VSTM4: variants seen among roughly 807,000 people sequenced by gnomAD.
The protein encoded by VSTM4 is V-set and transmembrane domain-containing protein 4.
VSTM4 carries 20 observed loss-of-function variants against 36.4 expected under a neutral mutation model. That is an observed-to-expected ratio of 0.55 (90% CI 0.39 to 0.80). The LOEUF is 0.80. VSTM4 is among the 30% of genes least tolerant of loss of function. The pLI, the probability that VSTM4 is intolerant of heterozygous loss-of-function variation, is 0.00. For missense variants in VSTM4, 392 were observed against 404.5 expected (o/e 0.97, Z 0.26); for synonymous variants, 182 against 173.9 (o/e 1.05, Z -0.37).
chr10:49,068,017 T>C lies in VSTM4; in HGVS notation c.635-3281A>G, dbSNP rs143054533. On this transcript the variant is annotated intron_variant, in intron 4 of 7. Transcript: ENST00000332853. ...AAGGTAAATGCTATGTAAACCATTGTTATGTTTTTTTCATCAGTATGATTT... is the reference window on the plus strand; with the variant it reads ...AAGGTAAATGCTATGTAAACCATTGCTATGTTTTTTTCATCAGTATGATTT... 2.6e-4 allele frequency among the ~76,000 whole-genome samples: 40 copies of C among 152,324 alleles called. No homozygotes were observed. In the East Asian group the frequency reaches 7.5e-3, roughly 29 times the overall value.
chr10:49,046,461 C>T (rs771436169), intron 7 of VSTM4, among the ~76,000 whole-genome samples: 19 of 152,150 alleles, frequency 1.2e-4, no homozygotes, highest in African/African-American at 2.4e-4. Flanking sequence ...TGGTTAAGCC[C>T]GAAGTGTAGT....
chr10:49,093,004 T>G (rs1313380792), intron 2 of VSTM4, among the ~76,000 whole-genome samples: 3 of 151,902 alleles, frequency 2.0e-5, no homozygotes, highest in Non-Finnish European at 2.9e-5. Flanking sequence ...CCCTTCTACC[T>G]CCCCCATTGA....
chr10:49,103,370 T>C (rs1844703192), intron 2 of VSTM4: 3 of 334,060 alleles, frequency 9.0e-6, no homozygotes, highest in Non-Finnish European at 8.6e-6. Context: ...AATTAGGTTT[T>C]AAATTTTAAT....
chr10:49,102,841 A>C, intron 2 of VSTM4: 1 of 718,904 alleles, frequency 1.4e-6, no homozygotes. Flanking sequence ...TGTTATCATC[A>C]TCATCCTCAA....
intron 2 of VSTM4, chr10:49,103,701 T>C: frequency 6.2e-7 from 1 of 1,607,872 alleles, no homozygotes; most frequent in Non-Finnish European, 8.5e-7. Context: ...AGCCTTTCTT[T>C]CTGGGAGTTT....
intron 2 of VSTM4, among the ~76,000 whole-genome samples, chr10:49,087,609 G>T (rs765027036): frequency 8.5e-5 from 13 of 152,074 alleles, no homozygotes; most frequent in Non-Finnish European, 1.6e-4. Context: ...GGTTCATTCG[G>T]TCCTTCAGGG....
At chr10:49,093,087 C>T (rs756310874) in intron 2 of VSTM4, among the ~76,000 whole-genome samples, 1 of 152,110 alleles carries the variant, frequency 6.6e-6, no homozygotes. Flanking sequence ...TCTGATTCTT[C>T]CAGTACACCA....
intron 7 of VSTM4, among the ~76,000 whole-genome samples, chr10:49,024,314 A>G (rs1843224496): frequency 6.6e-6 from 1 of 152,218 alleles, no homozygotes; most frequent in Non-Finnish European, 1.5e-5. Flanking sequence ...ACTACCAGCC[A>G]GTGAGAATCC....
intron 3 of VSTM4, among the ~76,000 whole-genome samples, chr10:49,083,182 C>A (rs1412609172): frequency 1.3e-5 from 2 of 152,188 alleles, no homozygotes; most frequent in African/African-American, 4.8e-5. Flanking sequence ...CAGTTTGAGA[C>A]ATAAGGCTGT....
chr10:49,038,994 A>T (rs1324559521), intron 7 of VSTM4, among the ~76,000 whole-genome samples: 1 of 152,144 alleles, frequency 6.6e-6, no homozygotes, highest in East Asian at 1.9e-4. Context: ...CTGCAAGTAC[A>T]AAGGTGGGCG....
At chr10:49,063,030 T>TC (rs1843909308) in intron 5 of VSTM4, among the ~76,000 whole-genome samples, 1 of 152,166 alleles carries the variant, frequency 6.6e-6, no homozygotes, top group East Asian at 1.9e-4. Flanking sequence ...TGAATCTTTT[T>TC]TTTTTTTTTA....
chr10:49,029,569 C>T (rs892774861), intron 7 of VSTM4, among the ~76,000 whole-genome samples: 1 of 152,210 alleles, frequency 6.6e-6, no homozygotes. Context: ...TCCCAGGCAT[C>T]GCAAATGCAT....
chr10:49,029,976 T>C (rs1003170404), intron 7 of VSTM4, among the ~76,000 whole-genome samples: 2 of 152,172 alleles, frequency 1.3e-5, no homozygotes, highest in African/African-American at 4.8e-5. Flanking sequence ...CGCACCCCTC[T>C]CTACAGCCTC....
At chr10:49,092,885 T>C (rs552091419) in intron 2 of VSTM4, among the ~76,000 whole-genome samples, 1 of 152,062 alleles carries the variant, frequency 6.6e-6, no homozygotes, top group African/African-American at 2.4e-5. Flanking sequence ...GGCACTGGTA[T>C]GTAGGCAGGA....
intron 2 of VSTM4, among the ~76,000 whole-genome samples, chr10:49,104,545 A>G (rs1416060962): frequency 6.6e-6 from 1 of 152,158 alleles, no homozygotes; most frequent in Non-Finnish European, 1.5e-5. Flanking sequence ...CTTTTCCTTA[A>G]CTGCCTTGGA....
At chr10:49,095,773 C>T (rs917806320) in intron 2 of VSTM4, among the ~76,000 whole-genome samples, 1 of 151,332 alleles carries the variant, frequency 6.6e-6, no homozygotes, top group Non-Finnish European at 1.5e-5. Context: ...ACCTCCATAA[C>T]GTCTATTAAA....
At chr10:49,093,854 C>T (rs1318417035) in intron 2 of VSTM4, among the ~76,000 whole-genome samples, 2 of 150,072 alleles carry the variant, frequency 1.3e-5, no homozygotes, top group African/African-American at 4.9e-5. Flanking sequence ...TTCACGCCGT[C>T]CTCCTGCCTC....
chr10:49,056,967 G>C (rs1483761021), intron 5 of VSTM4, among the ~76,000 whole-genome samples: 3 of 152,078 alleles, frequency 2.0e-5, no homozygotes, highest in African/African-American at 7.2e-5. Flanking sequence ...AGTCATGGCG[G>C]AAGGTAAAGG....
At chr10:49,022,689 A>G (rs982947527) in intron 7 of VSTM4, among the ~76,000 whole-genome samples, 1 of 152,136 alleles carries the variant, frequency 6.6e-6, no homozygotes, top group Non-Finnish European at 1.5e-5. Flanking sequence ...CAGTTTAATT[A>G]CATTTCCCAT....
Sources: gnomAD v4.1 joint callset for allele counts (sites outside exome capture counted in the v4.1 genomes callset) on GRCh38, gnomAD v4.1.1 for gene constraint, MANE v1.5 for transcripts, NCBI Gene and HGNC (gene_info 2026-07-23, HGNC 2026-07-21) for gene names.